NTRK3: variants seen among roughly 807,000 people sequenced by gnomAD.
The protein encoded by NTRK3 is NT-3 growth factor receptor.
In NTRK3, 24 loss-of-function variants were observed where a neutral mutation model predicts 91.7. That is an observed-to-expected ratio of 0.26 (90% confidence interval 0.19 to 0.37). The LOEUF (loss-of-function observed/expected upper bound fraction) is 0.37, where lower values mean the gene tolerates loss of function less well. Ranked by LOEUF, NTRK3 falls within the 10% of genes least tolerant of loss-of-function variation. The pLI is 1.00. For synonymous variants in NTRK3, 483 were observed against 404.0 expected (o/e 1.20, Z -2.34); for missense variants, 880 against 1,068.9 (o/e 0.82, Z 2.46).
rs187297235 is a variant in NTRK3, at chr15:88,061,527, A to C, written c.1397-28482T>G. 3.0e-4 allele frequency among the ~76,000 whole-genome samples: 45 copies of C among 152,348 alleles called. 1 individual carries two copies. In the East Asian group the frequency reaches 6.8e-3, roughly 23 times the overall value. On this transcript the variant is annotated intron_variant, in intron 13 of 18. Transcript: ENST00000394480. ...CTGATAATACAGAGAAGCGGCACAG[A>C]GCAGGAGCAGGAGCAGAGTGGCAGC...
At chr15:88,061,191 C>A (rs1281647895) in intron 13 of NTRK3, among the ~76,000 whole-genome samples, 3 of 152,012 alleles carry the variant, frequency 2.0e-5, no homozygotes, top group Non-Finnish European at 2.9e-5. Flanking sequence ...AGAAAAAAAA[C>A]AATAATTCAT....
chr15:88,135,124 T>C, exon 10 of NTRK3: 1 of 1,614,264 alleles, frequency 6.2e-7, no homozygotes, highest in Non-Finnish European at 8.5e-7. Context: ...CTTGAGGAAG[T>C]GGCCATTGAT....
chr15:87,895,369 A>G (rs938759191), intron 17 of NTRK3, among the ~76,000 whole-genome samples: 1 of 152,180 alleles, frequency 6.6e-6, no homozygotes, highest in Non-Finnish European at 1.5e-5. Flanking sequence ...GAAGCTCGGA[A>G]TTTTTTATCT....
intron 13 of NTRK3, among the ~76,000 whole-genome samples, chr15:88,122,161 A>G (rs1185160238): frequency 6.6e-6 from 1 of 152,246 alleles, no homozygotes; most frequent in Non-Finnish European, 1.5e-5. Context: ...AGAGTAATGC[A>G]TTTTGTAAGT....
chr15:88,144,440 T>C (rs962738500), intron 6 of NTRK3, among the ~76,000 whole-genome samples: 2 of 152,082 alleles, frequency 1.3e-5, no homozygotes, highest in African/African-American at 2.4e-5. Flanking sequence ...AACTCTGAGA[T>C]GGTAACTTGT....
intron 5 of NTRK3, among the ~76,000 whole-genome samples, chr15:88,163,792 A>G (rs142788693): frequency 5.3e-4 from 80 of 152,302 alleles, no homozygotes; most frequent in Middle Eastern, 3.4e-3. Context: ...AAACAGTCCC[A>G]GCTCACATCT....
At chr15:87,905,440 C>A (rs1428039691) in intron 17 of NTRK3, among the ~76,000 whole-genome samples, 1 of 152,112 alleles carries the variant, frequency 6.6e-6, no homozygotes, top group East Asian at 1.9e-4. Flanking sequence ...ATGCGTAAAA[C>A]AACAGGTTAC....
Position 88,255,827 on chromosome 15 carries a change from C to A in NTRK3, c.248+79G>T. The stretch of plus-strand genomic sequence containing the variant: ...GCGGCGAGCTGGGGCGGGCGGAGGG[C>A]CGGCTCCCGGCCGCGGGTGGGCAGG... On this transcript the variant is annotated intron_variant, in intron 3 of 18. Coordinates refer to ENST00000394480, the Ensembl canonical transcript of NTRK3. The surrounding 1 kb of genome is among the most constrained non-coding windows in gnomAD (Gnocchi z 4.3). The A allele has an allele frequency of 7.6e-7, 1 of 1,315,014 alleles. No homozygotes were observed. The allele number at this position is 1,315,014 out of a possible 1,614,324, so 81.5% of individuals were successfully genotyped here.
intron 13 of NTRK3, chr15:88,099,196 T>C (rs2049931479): frequency 8.7e-6 from 2 of 230,598 alleles, no homozygotes; most frequent in Non-Finnish European, 1.7e-5. Flanking sequence ...ATTGGGCAGC[T>C]TATTAGTAGA....
At chr15:87,967,912 T>C (rs2072925527) in intron 14 of NTRK3, among the ~76,000 whole-genome samples, 1 of 152,194 alleles carries the variant, frequency 6.6e-6, no homozygotes, top group Non-Finnish European at 1.5e-5. Flanking sequence ...AGTGCATGAC[T>C]GGTAGATTTC....
chr15:88,048,109 C>G (rs1036644044), intron 13 of NTRK3, among the ~76,000 whole-genome samples: 2 of 152,156 alleles, frequency 1.3e-5, no homozygotes, highest in African/African-American at 4.8e-5. Context: ...AACGACGCAG[C>G]CATTGATTTT....
rs181599945 is a variant in NTRK3 at position 87,950,716 on chromosome 15, G to T, written c.1586-9963C>A. On this transcript the variant is annotated intron_variant, in intron 14 of 18. Coordinates refer to ENST00000394480, the Ensembl canonical transcript of NTRK3. ...ATTCAGTGAAATCATGTGTACAGTC[G>T]TACATTTGGAGCGTGTCGAAGGAGC... 2.0e-4 allele frequency among the ~76,000 whole-genome samples: 30 copies of T among 152,290 alleles called. No homozygotes were observed. The East Asian group carries it at 4.8e-3, about 24-fold the overall frequency.
intron 14 of NTRK3, among the ~76,000 whole-genome samples, chr15:88,028,907 T>C (rs1346551938): frequency 6.6e-6 from 1 of 152,194 alleles, no homozygotes; most frequent in African/African-American, 2.4e-5. Flanking sequence ...CAGCAAGCAG[T>C]CCAGCCCTCA....
At chr15:88,140,691 C>T (rs1046654492) in intron 6 of NTRK3, among the ~76,000 whole-genome samples, 1 of 152,192 alleles carries the variant, frequency 6.6e-6, no homozygotes, top group Non-Finnish European at 1.5e-5. Flanking sequence ...TGGAAAACTC[C>T]ACGGTATGCT....
At chr15:88,206,655 C>A (rs1448745569) in intron 3 of NTRK3, among the ~76,000 whole-genome samples, 3 of 121,518 alleles carry the variant, frequency 2.5e-5, no homozygotes, top group Non-Finnish European at 5.1e-5. Flanking sequence ...AAGACTCCGT[C>A]TCGAAAAAAA....
chr15:87,928,966 G>A, intron 17 of NTRK3: 3 of 628,028 alleles, frequency 4.8e-6, no homozygotes, highest in Non-Finnish European at 8.4e-6. Flanking sequence ...ACAGATTACA[G>A]TTCAGTTAAA....
chr15:87,886,697 T>TATATATATAC (rs1335887821), intron 17 of NTRK3, among the ~76,000 whole-genome samples: 59 of 135,880 alleles, frequency 4.3e-4, no homozygotes, highest in South Asian at 2.5e-3. Flanking sequence ...TATATATATA[T>TATATATATAC]ATACATATAT....
intron 6 of NTRK3, among the ~76,000 whole-genome samples, chr15:88,146,725 G>A (rs1217109396): frequency 1.3e-5 from 2 of 152,070 alleles, no homozygotes; most frequent in Non-Finnish European, 2.9e-5. Context: ...AAAAATATAT[G>A]GCCTCCCCAA....
At chr15:88,014,050 G>C (rs1029275660) in intron 14 of NTRK3, among the ~76,000 whole-genome samples, 1 of 152,120 alleles carries the variant, frequency 6.6e-6, no homozygotes, top group Non-Finnish European at 1.5e-5. Flanking sequence ...ACAAAATATC[G>C]CTCCAAAGGA....
Sources: allele counts gnomAD v4.1 joint callset (sites outside exome capture counted in the v4.1 genomes callset), GRCh38; gene constraint gnomAD v4.1.1; non-coding constraint Gnocchi (gnomAD v3.1); transcripts MANE v1.5; gene names NCBI Gene and HGNC (gene_info 2026-07-23, HGNC 2026-07-21).